Variants in FSIP1 observed in about 807,000 individuals in gnomAD.
FSIP1 encodes fibrous sheath interacting protein 1.
Under a neutral mutation model 60.9 loss-of-function variants are expected in FSIP1, and 65 were observed. The observed-to-expected ratio is 1.07, with a 90% CI of 0.87 to 1.31. The LOEUF (loss-of-function observed/expected upper bound fraction) is 1.31, where lower values mean the gene tolerates loss of function less well. Ranked by LOEUF, FSIP1 falls within the 40% of genes most tolerant of loss-of-function variation. The pLI is 0.00. For missense variants in FSIP1, 675 were observed against 665.5 expected, an observed-to-expected ratio of 1.01 and a Z score of -0.16; for synonymous variants, 209 against 221.2, an observed-to-expected ratio of 0.94 and a Z score of 0.49.
chr15:39,769,631 T>G (rs1021410), intron 3 of FSIP1, among the ~76,000 whole-genome samples: 63,009 of 152,060 alleles, frequency 0.41, 14,068 homozygotes, highest in Admixed American at 0.5. Flanking sequence ...TTCCCATTTT[T>G]CCCCACAGGA....
intron 5 of FSIP1, among the ~76,000 whole-genome samples, chr15:39,763,092 G>A (rs1337334600): frequency 6.6e-6 from 1 of 152,144 alleles, no homozygotes; most frequent in Non-Finnish European, 1.5e-5. Flanking sequence ...TGAGAATTTA[G>A]CTGATAGTAA....
chr15:39,600,143 C>G lies in FSIP1; in HGVS notation c.*737G>C, dbSNP rs1891706368. The G allele has an allele frequency of 6.6e-6, 1 of 152,150 alleles. No individual in the cohort carries two copies. Among genetic ancestry groups the G allele is most frequent in the Non-Finnish European group, 1.5e-5 (1 of 68,018 alleles). The allele number at this position is 152,150 out of a possible 1,614,324, so 9.4% of individuals were successfully genotyped here. A position where few individuals can be genotyped will look rare whatever the true frequency, so the allele number is the denominator to read the frequency against. On this transcript the variant is annotated 3_prime_UTR_variant, in exon 12 of 12. Transcript: ENST00000350221. ...AATGCCAACTCATCTTATGGAATGT[C>G]AACACAAAATTTTCTCATGAATCTA...
chr15:39,712,209 A>ATCT (rs879552266), intron 10 of FSIP1, among the ~76,000 whole-genome samples: 34,759 of 151,892 alleles, frequency 0.23, 4,971 homozygotes, highest in African/African-American at 0.39. Context: ...GTGCTGCTGC[A>ATCT]GTGGGCCTGC....
intron 10 of FSIP1, among the ~76,000 whole-genome samples, chr15:39,687,236 C>T (rs1272252963): frequency 7.2e-6 from 1 of 138,116 alleles, no homozygotes; most frequent in East Asian, 2.4e-4. Context: ...CTCAGTGCAA[C>T]CTCTGCCTCC....
chr15:39,699,161 G>C (rs1894952752), intron 10 of FSIP1, among the ~76,000 whole-genome samples: 1 of 152,190 alleles, frequency 6.6e-6, no homozygotes, highest in African/African-American at 2.4e-5. Flanking sequence ...TGACTGGCCA[G>C]AACTAACTTA....
At chr15:39,774,899 G>A (rs1898002690) in intron 2 of FSIP1, among the ~76,000 whole-genome samples, 1 of 152,194 alleles carries the variant, frequency 6.6e-6, no homozygotes, top group Non-Finnish European at 1.5e-5. Context: ...CAGCTCTGGT[G>A]GCGTGACCTG....
Position 39,677,037 on chromosome 15 carries a change from G to A in FSIP1, c.1188+36407C>T, listed in dbSNP as rs1893972145. 3.3e-5 allele frequency among the ~76,000 whole-genome samples: 5 copies of A among 152,204 alleles called. No individual in the cohort carries two copies. The South Asian group carries it at 1.0e-3, about 31-fold the overall frequency. ...GTGGCAGAAAGTATCAAGACACTAG[G>A]AGAGGGCAGTTAAGGAAGCCCCCAT... is the stretch of plus-strand genomic sequence containing the variant. On this transcript the variant is annotated intron_variant, in intron 10 of 11. Coordinates refer to ENST00000350221, the MANE Select transcript of FSIP1 (RefSeq NM_152597.5).
At position 39,670,829 on chromosome 15, in the gene FSIP1, G is replaced by A. The variant is rs117398834; in HGVS notation, c.1188+42615C>T. 1.3e-4 allele frequency among the ~76,000 whole-genome samples: 20 copies of A among 152,322 alleles called. No individual in the cohort carries two copies. In the East Asian group the frequency reaches 3.7e-3, roughly 28 times the overall value. The stretch of plus-strand genomic sequence containing the variant: ...TCTGGAGAGTCACAAACTTCTAAAG[G>A]TGTCGTAAGCACTTACGCAACATTT... On this transcript the variant is annotated intron_variant, in intron 10 of 11. Coordinates refer to ENST00000350221, the MANE Select transcript of FSIP1 (RefSeq NM_152597.5).
chr15:39,700,807 C>CA (rs981801963), intron 10 of FSIP1, among the ~76,000 whole-genome samples: 30 of 152,148 alleles, frequency 2.0e-4, no homozygotes, highest in Admixed American at 5.2e-4. Context: ...TTCCTGAACC[C>CA]AAAAATTGGG....
intron 5 of FSIP1, among the ~76,000 whole-genome samples, chr15:39,749,108 A>G (rs1897085089): frequency 6.6e-6 from 1 of 151,776 alleles, no homozygotes. Flanking sequence ...AATCAGGAAG[A>G]AACAGAAAGC....
chr15:39,762,111 T>C (rs928357220), intron 5 of FSIP1, among the ~76,000 whole-genome samples: 2 of 152,228 alleles, frequency 1.3e-5, no homozygotes, highest in Admixed American at 6.5e-5. Flanking sequence ...TTATTCAGTG[T>C]CTGCATTGAA....
chr15:39,719,911 G>A (rs1895888551), intron 9 of FSIP1, among the ~76,000 whole-genome samples: 1 of 152,204 alleles, frequency 6.6e-6, no homozygotes, highest in African/African-American at 2.4e-5. Flanking sequence ...CTAACAGATT[G>A]GCACTGGAGG....
chr15:39,665,976 G>T (rs922678602), intron 10 of FSIP1, among the ~76,000 whole-genome samples: 4 of 152,038 alleles, frequency 2.6e-5, no homozygotes, highest in Non-Finnish European at 4.4e-5. Context: ...TTCACAATGT[G>T]GAAAGTGAAA....
chr15:39,640,614 T>G (rs1262773869), intron 10 of FSIP1, among the ~76,000 whole-genome samples: 2 of 151,774 alleles, frequency 1.3e-5, no homozygotes, highest in Non-Finnish European at 2.9e-5. Context: ...TTCAGCTGAA[T>G]TAAATTTAAA....
At chr15:39,697,403 T>G (rs1424159567) in intron 10 of FSIP1, among the ~76,000 whole-genome samples, 1 of 152,230 alleles carries the variant, frequency 6.6e-6, no homozygotes, top group African/African-American at 2.4e-5. Context: ...CCAATAAGAA[T>G]GTGAAGAGTT....
chr15:39,742,646 A>C (rs533774910), intron 5 of FSIP1, among the ~76,000 whole-genome samples: 1 of 152,316 alleles, frequency 6.6e-6, no homozygotes, highest in African/African-American at 2.4e-5. Context: ...TACAGGATCC[A>C]CCACCTCTCC....
chr15:39,601,759 G>A (rs2898963), intron 11 of FSIP1, among the ~76,000 whole-genome samples: 8,450 of 152,262 alleles, frequency 0.055, 786 homozygotes, highest in African/African-American at 0.19. Context: ...CAACATGGAT[G>A]AATCTTGAAG....
intron 8 of FSIP1, among the ~76,000 whole-genome samples, chr15:39,736,477 A>C (rs1381452849): frequency 6.6e-6 from 1 of 152,190 alleles, no homozygotes; most frequent in African/African-American, 2.4e-5. Context: ...AACATTTTAC[A>C]AGTTTAATGT....
chr15:39,601,664 G>C (rs1890644832), intron 11 of FSIP1, among the ~76,000 whole-genome samples: 1 of 152,188 alleles, frequency 6.6e-6, no homozygotes, highest in African/African-American at 2.4e-5. Context: ...TCCATCAAAT[G>C]ATGAATGGAT....
Sources: allele counts gnomAD v4.1 joint callset (sites outside exome capture counted in the v4.1 genomes callset), GRCh38; gene constraint gnomAD v4.1.1; transcripts MANE v1.5; gene names NCBI Gene and HGNC (gene_info 2026-07-23, HGNC 2026-07-21).